The following SAMMSON variants were observed in gnomAD, a reference collection of about 807,000 sequenced individuals.
The protein encoded by SAMMSON is long intergenic non-protein coding RNA 1212.
At chr3:70,047,895 G>A (rs2067132789) in intron 3 of SAMMSON, among the ~76,000 whole-genome samples, 1 of 152,006 alleles carries the variant, frequency 6.6e-6, no homozygotes, top group East Asian at 1.9e-4. Flanking sequence ...TTTTATAGTG[G>A]CATTAATCTA....
At chr3:70,216,355 A>C (rs1453172397) in intron 4 of SAMMSON, among the ~76,000 whole-genome samples, 1 of 151,214 alleles carries the variant, frequency 6.6e-6, no homozygotes. Context: ...TGCTTCCTAG[A>C]TGTCATTCAT....
intron 7 of SAMMSON, among the ~76,000 whole-genome samples, chr3:70,299,077 A>G (rs113367963): frequency 2.0e-5 from 3 of 152,138 alleles, no homozygotes; most frequent in African/African-American, 7.2e-5. Context: ...ATACCAAAAC[A>G]TATCATAATG....
intron 9 of SAMMSON, among the ~76,000 whole-genome samples, chr3:70,379,732 G>A (rs1703049828): frequency 6.6e-6 from 1 of 152,056 alleles, no homozygotes; most frequent in South Asian, 2.1e-4. Flanking sequence ...TTCCTTTACT[G>A]AAGACGAGTC....
chr3:70,343,297 A>G (rs1702725857), intron 7 of SAMMSON, among the ~76,000 whole-genome samples: 2 of 152,170 alleles, frequency 1.3e-5, no homozygotes, highest in East Asian at 3.9e-4. Context: ...TAGTTTTAAT[A>G]TTAACTAAAG....
At chr3:70,155,173 C>A (rs2067587275) in intron 4 of SAMMSON, among the ~76,000 whole-genome samples, 1 of 151,696 alleles carries the variant, frequency 6.6e-6, no homozygotes, top group African/African-American at 2.4e-5. Context: ...CCTATTTGGG[C>A]CTCATTTTCC....
chr3:70,232,549 G>C (rs538635965), intron 4 of SAMMSON, among the ~76,000 whole-genome samples: 1 of 151,948 alleles, frequency 6.6e-6, no homozygotes, highest in African/African-American at 2.4e-5. Flanking sequence ...ACAGGTGCCC[G>C]CCACCACGCC....
At position 70,122,937 on chromosome 3, in the gene SAMMSON, G is replaced by T. The variant is rs2067441095; in HGVS notation, n.507+51372G>T. Among the ~76,000 whole-genome samples, 3 of 152,230 alleles carry T rather than the reference G, an allele frequency of 2.0e-5. No individual in the cohort carries two copies. In the South Asian group the frequency reaches 6.2e-4, roughly 32 times the overall value. On this transcript the variant is annotated intron_variant and non_coding_transcript_variant, in intron 4 of 9. Coordinates refer to ENST00000642114, the Ensembl canonical transcript of SAMMSON. Reference sequence around the variant, plus strand: ...ATAGCATTCACCTCACCGTCCTAGGGCATTCCAAAGTGTGTTTTTTGCAGT... The same window carrying T: ...ATAGCATTCACCTCACCGTCCTAGGTCATTCCAAAGTGTGTTTTTTGCAGT...
chr3:70,089,778 C>T (rs1387777589), intron 4 of SAMMSON, among the ~76,000 whole-genome samples: 2 of 151,972 alleles, frequency 1.3e-5, no homozygotes, highest in East Asian at 1.9e-4. Context: ...TGATAATTTT[C>T]GCAAGGTTTA....
At chr3:70,045,165 TATA>T in intron 3 of SAMMSON, among the ~76,000 whole-genome samples, 1 of 129,552 alleles carries the variant, frequency 7.7e-6, no homozygotes, top group South Asian at 2.2e-4. Context: ...TATAATATAT[TATA>T]ATTTATATAT....
chr3:70,309,390 A>C (rs1299573941), intron 7 of SAMMSON, among the ~76,000 whole-genome samples: 1 of 152,228 alleles, frequency 6.6e-6, no homozygotes, highest in Non-Finnish European at 1.5e-5. Flanking sequence ...AGTGTGAACT[A>C]AGCTCTCAAA....
chr3:70,316,457 A>G lies in SAMMSON; in HGVS notation n.739+25214A>G, dbSNP rs542171741. On this transcript the variant is annotated intron_variant and non_coding_transcript_variant, in intron 7 of 9. Transcript: ENST00000642114. ...AGATTTCTGGATTAGATCCTATACAAATGATATAAGAAGGTGTACTACTGC... is the reference window on the plus strand; with the variant it reads ...AGATTTCTGGATTAGATCCTATACAGATGATATAAGAAGGTGTACTACTGC... 2.0e-5 allele frequency among the ~76,000 whole-genome samples: 3 copies of G among 152,228 alleles called. No homozygotes were observed. The South Asian group carries it at 6.2e-4, about 32-fold the overall frequency.
chr3:70,054,185 G>A (rs531846019), intron 3 of SAMMSON, among the ~76,000 whole-genome samples: 1 of 152,202 alleles, frequency 6.6e-6, no homozygotes, highest in African/African-American at 2.4e-5. Flanking sequence ...AATTTTAAGA[G>A]CATTAATATC....
At chr3:70,399,699 C>G (rs757022473) in intron 2 of SAMMSON, among the ~76,000 whole-genome samples, 19 of 151,930 alleles carry the variant, frequency 1.3e-4, no homozygotes, top group Non-Finnish European at 2.2e-4. Flanking sequence ...AACCCCATCT[C>G]TACTGAAAAT....
At chr3:70,245,715 A>G (rs1475077709) in intron 4 of SAMMSON, among the ~76,000 whole-genome samples, 1 of 135,702 alleles carries the variant, frequency 7.4e-6, no homozygotes, top group Middle Eastern at 3.9e-3. Flanking sequence ...ATATATATAT[A>G]CACATTCAAA....
At chr3:70,314,375 T>A (rs1200409620) in intron 7 of SAMMSON, among the ~76,000 whole-genome samples, 1 of 152,224 alleles carries the variant, frequency 6.6e-6, no homozygotes, top group African/African-American at 2.4e-5. Context: ...CTCTTTTCTA[T>A]GCATAGTTAC....
chr3:70,141,663 C>T (rs2106681192), intron 4 of SAMMSON, among the ~76,000 whole-genome samples: 1 of 152,304 alleles, frequency 6.6e-6, no homozygotes, highest in East Asian at 1.9e-4. Flanking sequence ...AAATGTCTTA[C>T]ATTTCCCAAA....
Position 70,051,244 on chromosome 3 carries a change from T to A in SAMMSON, n.418-20232T>A, listed in dbSNP as rs573273611. 9.0e-5 allele frequency among the ~76,000 whole-genome samples: 13 copies of A among 145,196 alleles called. No individual in the cohort carries two copies. The East Asian group carries it at 2.5e-3, about 28-fold the overall frequency. The stretch of plus-strand genomic sequence containing the variant: ...ACTTGAATTTGGCTTTTCAAGAAAA[T>A]CTTTTGGAGGACAACTTGATAATAT... On this transcript the variant is annotated intron_variant and non_coding_transcript_variant, in intron 3 of 9. Transcript: ENST00000642114.
At chr3:70,220,531 T>A (rs916555733) in intron 4 of SAMMSON, among the ~76,000 whole-genome samples, 2 of 152,166 alleles carry the variant, frequency 1.3e-5, no homozygotes, top group African/African-American at 4.8e-5. Flanking sequence ...AAAATTGAAT[T>A]TACTACCAAA....
intron 6 of SAMMSON, among the ~76,000 whole-genome samples, chr3:70,287,066 T>C (rs1175633602): frequency 6.9e-6 from 1 of 144,078 alleles, no homozygotes; most frequent in Non-Finnish European, 1.5e-5. Flanking sequence ...TCCTGCCTAA[T>C]TGCCCTGGCC....
Sources: gnomAD v4.1 joint callset for allele counts (sites outside exome capture counted in the v4.1 genomes callset) on GRCh38, gnomAD v4.1.1 for gene constraint, MANE v1.5 for transcripts, NCBI Gene and HGNC (gene_info 2026-07-23, HGNC 2026-07-21) for gene names.